Variants in NAV1 observed in about 807,000 individuals in gnomAD.
NAV1 encodes pore membrane and/or filament interacting like protein 3.
NAV1 carries 18 observed loss-of-function variants against 175.2 expected under a neutral mutation model. The ratio of observed to expected loss-of-function variants is 0.10; its 90% CI spans 0.07 to 0.15. The LOEUF (loss-of-function observed/expected upper bound fraction) is 0.15, where lower values mean the gene tolerates loss of function less well. Among genes scored for constraint, NAV1 ranks in the 10% least tolerant of loss-of-function variants. The pLI is 1.00. For synonymous variants in NAV1, 897 were observed against 978.7 expected (o/e 0.92, Z 1.56); for missense variants, 1,731 against 2,436.6 (o/e 0.71, Z 6.10).
At chr1:201,546,897 C>A (rs1665688306) in intron 1 of NAV1, among the ~76,000 whole-genome samples, 1 of 141,810 alleles carries the variant, frequency 7.1e-6, no homozygotes, top group African/African-American at 2.6e-5. Flanking sequence ...GAATGAAACT[C>A]TGTCTCAAAA....
chr1:201,650,639 G>A (rs572560661), intron 1 of NAV1, among the ~76,000 whole-genome samples: 1 of 152,350 alleles, frequency 6.6e-6, no homozygotes, highest in Non-Finnish European at 1.5e-5. Flanking sequence ...TGGAGAATGC[G>A]AAGCCGGAGG....
rs776718904 is a variant in NAV1, at chr1:201,810,617, G to C, written c.4656G>C (p.Arg1552=). Residue 1552 remains arginine, a synonymous_variant, in exon 24 of 30, where the codon CGG becomes CGC. Coordinates refer to ENST00000367296, the Ensembl canonical transcript of NAV1. The surrounding 1 kb of genome is among the most constrained non-coding windows in gnomAD (Gnocchi z 6.0). ...ACATAAGCCTCCTGCTGAAGCACCG[G>C]CGCCTCGTCCTCTCGGGCCCCAGCG... 6.2e-7 allele frequency: 1 copy of C among 1,614,080 alleles called. No homozygotes were observed. Among genetic ancestry groups the C allele is most frequent in the Non-Finnish European group, 8.5e-7 (1 of 1,179,990 alleles).
intron 1 of NAV1, among the ~76,000 whole-genome samples, chr1:201,628,196 A>C (rs1440688247): frequency 6.6e-6 from 1 of 150,566 alleles, no homozygotes; most frequent in African/African-American, 2.4e-5. Context: ...CATCATACCA[A>C]GCACCCCCAG....
chr1:201,725,384 A>G (rs1672560699), intron 3 of NAV1, among the ~76,000 whole-genome samples: 1 of 152,216 alleles, frequency 6.6e-6, no homozygotes, highest in Admixed American at 6.5e-5. Context: ...GTAGGGGGCC[A>G]TCCTCGGGAG....
At position 201,782,920 on chromosome 1, in the gene NAV1, C is replaced by T. The variant is rs138319454; in HGVS notation, c.2357+51C>T. On this transcript the variant is annotated intron_variant, in intron 6 of 29. Coordinates refer to ENST00000367296, the Ensembl canonical transcript of NAV1. The surrounding 1 kb of genome is among the most constrained non-coding windows in gnomAD (Gnocchi z 5.4). The stretch of plus-strand genomic sequence containing the variant: ...TTGTCTGTTTGCTTTGTCATTCTTT[C>T]GCATATCTCTGCCCTCCTTGGACTA... The T allele has an allele frequency of 1.2e-5, 17 of 1,474,706 alleles. No homozygotes were observed. In the East Asian group the frequency reaches 2.1e-4, roughly 18 times the overall value. 91.4% of individuals were successfully genotyped at this position (1,474,706 alleles called of 1,614,324 possible).
upstream of NAV1, among the ~76,000 whole-genome samples, chr1:201,618,584 G>A (rs957995422): frequency 6.6e-6 from 1 of 151,924 alleles, no homozygotes; most frequent in Admixed American, 6.6e-5. Context: ...GGGGTGTGTA[G>A]GCAGAGCCCG....
intron 1 of NAV1, among the ~76,000 whole-genome samples, chr1:201,705,712 G>A (rs927557468): frequency 3.9e-5 from 6 of 152,188 alleles, no homozygotes; most frequent in Non-Finnish European, 5.9e-5. Context: ...TGCCTCTGGT[G>A]TGGGGGCCTG....
At chr1:201,806,365 T>C (rs1678283028) in intron 17 of NAV1, among the ~76,000 whole-genome samples, 1 of 152,204 alleles carries the variant, frequency 6.6e-6, no homozygotes, top group Admixed American at 6.5e-5. Context: ...TTTTGCTTAA[T>C]CCATTGTTCC....
rs1571516715 is a variant in NAV1, at chr1:201,810,795, A to G, written c.4797+37A>G. Reference sequence around the variant, plus strand: ...CCGACACCCCTGCCAGCCTTTGTTCATGCCTCAGCCTTCCCTAAGACCCTT... The same window carrying G: ...CCGACACCCCTGCCAGCCTTTGTTCGTGCCTCAGCCTTCCCTAAGACCCTT... On this transcript the variant is annotated intron_variant, in intron 24 of 29. Transcript: ENST00000367296. The surrounding 1 kb of genome is among the most constrained non-coding windows in gnomAD (Gnocchi z 6.0). 1 of 1,547,090 alleles carries G rather than the reference A, an allele frequency of 6.5e-7. No individual in the cohort carries two copies. The highest frequency in any genetic ancestry group is 8.9e-7 in the Non-Finnish European group (1 of 1,124,202).
chr1:201,749,338 A>C (rs1490716704), intron 3 of NAV1, among the ~76,000 whole-genome samples: 1 of 152,258 alleles, frequency 6.6e-6, no homozygotes, highest in Non-Finnish European at 1.5e-5. Flanking sequence ...GAAAAGCAGC[A>C]AAAGTCAGAA....
intron 3 of NAV1, among the ~76,000 whole-genome samples, chr1:201,771,521 A>G (rs891457412): frequency 2.0e-4 from 31 of 151,784 alleles, no homozygotes; most frequent in African/African-American, 7.0e-4. Flanking sequence ...AAAAAAAAAA[A>G]ACTGGTGAAC....
At chr1:201,741,018 C>T (rs1352095150) in intron 3 of NAV1, among the ~76,000 whole-genome samples, 1 of 152,036 alleles carries the variant, frequency 6.6e-6, no homozygotes, top group Non-Finnish European at 1.5e-5. Context: ...GAGGTTGGGC[C>T]CTATGCCTGG....
At chr1:201,664,367 C>T (rs1231044631) in intron 1 of NAV1, among the ~76,000 whole-genome samples, 21 of 152,154 alleles carry the variant, frequency 1.4e-4, no homozygotes, top group Admixed American at 1.4e-3. Context: ...CAAATCAAAT[C>T]CTGGCTCTAT....
At chr1:201,646,031 C>T (rs1014624341), upstream of NAV1, among the ~76,000 whole-genome samples, 3 of 152,162 alleles carry the variant, frequency 2.0e-5, no homozygotes, top group East Asian at 1.9e-4. Context: ...AAAGATTTGG[C>T]ACCAAAGATG....
At chr1:201,571,526 TC>T (rs1190093211) in intron 1 of NAV1, among the ~76,000 whole-genome samples, 1 of 151,980 alleles carries the variant, frequency 6.6e-6, no homozygotes, top group African/African-American at 2.4e-5. Flanking sequence ...GGGAAACCAG[TC>T]CCCCACCATG....
intron 1 of NAV1, among the ~76,000 whole-genome samples, chr1:201,543,235 T>C (rs1354265044): frequency 6.6e-6 from 1 of 152,240 alleles, no homozygotes; most frequent in Admixed American, 6.5e-5. Flanking sequence ...ATTTTAGCCT[T>C]TCACCAGTGA....
chr1:201,757,598 G>A (rs1324018884), intron 3 of NAV1, among the ~76,000 whole-genome samples: 1 of 152,152 alleles, frequency 6.6e-6, no homozygotes, highest in African/African-American at 2.4e-5. Flanking sequence ...CACTATTATA[G>A]TTCATACCAT....
intron 2 of NAV1, among the ~76,000 whole-genome samples, chr1:201,713,721 G>A (rs528929127): frequency 6.6e-6 from 1 of 152,304 alleles, no homozygotes; most frequent in East Asian, 1.9e-4. Context: ...GGGGGGTGTG[G>A]GGCAGGAAGG....
At chr1:201,800,817 C>CTTTTTTTTT (rs61404613) in intron 15 of NAV1, among the ~76,000 whole-genome samples, 2 of 90,786 alleles carry the variant, frequency 2.2e-5, no homozygotes, top group African/African-American at 4.7e-5. Flanking sequence ...CTTGGTGTAT[C>CTTTTTTTTT]TTTTTTTTTT....
Sources: gnomAD v4.1 joint callset for allele counts (sites outside exome capture counted in the v4.1 genomes callset) on GRCh38, gnomAD v4.1.1 for gene constraint, Gnocchi (gnomAD v3.1) non-coding constraint, MANE v1.5 for transcripts, NCBI Gene and HGNC (gene_info 2026-07-23, HGNC 2026-07-21) for gene names.